Variants in ANKRD36B observed in about 807,000 individuals in gnomAD.
ANKRD36B encodes the protein ankyrin repeat domain-containing protein 36B.
ANKRD36B carries 37 observed loss-of-function variants against 135.7 expected under a neutral mutation model. The ratio of observed to expected loss-of-function variants is 0.27; its 90% CI spans 0.21 to 0.36. The LOEUF is 0.36. Among genes scored for constraint, ANKRD36B ranks in the 10% least tolerant of loss-of-function variants. The probability of loss-of-function intolerance (pLI) is 1.00; values close to 1 mark genes in which losing one functional copy is unlikely to be tolerated. For missense variants in ANKRD36B, 549 were observed against 1,037.1 expected, an observed-to-expected ratio of 0.53 and a Z score of 6.46; for synonymous variants, 179 against 348.1, an observed-to-expected ratio of 0.51 and a Z score of 5.41.
At chr2:97,567,570 T>C (rs2081539711) in intron 6 of ANKRD36B, among the ~76,000 whole-genome samples, 1 of 152,112 alleles carries the variant, frequency 6.6e-6, no homozygotes, top group Non-Finnish European at 1.5e-5. Context: ...GAAGACCAAA[T>C]ATATATTTCA....
chr2:97,551,205 C>G (rs1470757451), intron 18 of ANKRD36B, 84 bp downstream of exon 18: 1 of 1,501,536 alleles, frequency 6.7e-7, no homozygotes. Context: ...TGTGCAGCTT[C>G]GACCAGCCCC....
chr2:97,571,183 A>G (rs538658522), intron 6 of ANKRD36B, among the ~76,000 whole-genome samples: 6 of 152,354 alleles, frequency 3.9e-5, no homozygotes, highest in Admixed American at 6.5e-5. Context: ...TTCTTTTATA[A>G]TAATTGGGGA....
Position 97,585,003 on chromosome 2 carries a change from C to T in ANKRD36B, c.391G>A (p.Asp131Asn). 6.2e-7 allele frequency: 1 copy of T among 1,609,726 alleles called. No individual in the cohort carries two copies. The change falls in exon 3 of 44, where the codon GAT (aspartate) becomes AAT (asparagine). Residue 131 changes from aspartate to asparagine, a missense_variant. Asp to Asn is a conservative substitution (Grantham distance 23, BLOSUM62 1). Transcript: ENST00000359901. The stretch of plus-strand genomic sequence containing the variant: ...AGAAGTTTTTCTATCATGGATGTAT[C>T]TTCATTATACACAGCGTAGTGCAGA... The part of the protein sequence containing the change: ...TALHYAVYNE[D>N]TSMIEKLLSH...
chr2:97,560,580 T>A, intron 8 of ANKRD36B, 85 bp downstream of exon 8: 1 of 1,566,882 alleles, frequency 6.4e-7, no homozygotes. Flanking sequence ...GCAGCTTATA[T>A]GAACTCCCCA....
intron 16 of ANKRD36B, among the ~76,000 whole-genome samples, chr2:97,551,714 T>A (rs1429379447): frequency 6.6e-6 from 1 of 151,930 alleles, no homozygotes; most frequent in Non-Finnish European, 1.5e-5. Context: ...TTCTCATACG[T>A]CGAAAACTAA....
At chr2:97,558,671 C>G (rs2104747821) in intron 10 of ANKRD36B, 128 bp downstream of exon 10, 1 of 1,003,896 alleles carries the variant, frequency 1.0e-6, no homozygotes, top group Middle Eastern at 2.8e-4. Flanking sequence ...CACCTGAGAA[C>G]TGAGGAATCT....
intron 22 of ANKRD36B, 135 bp from the exon 23 acceptor site, chr2:97,545,996 C>T: frequency 1.1e-6 from 1 of 870,958 alleles, no homozygotes. Context: ...TACTTTGTGT[C>T]TGGGGACAAG....
intron 10 of ANKRD36B, among the ~76,000 whole-genome samples, chr2:97,557,360 C>T (rs2080626807): frequency 6.6e-6 from 1 of 151,632 alleles, no homozygotes; most frequent in South Asian, 2.1e-4. Context: ...AGGTATTATG[C>T]ATCATGTGTG....
At chr2:97,543,056 T>C (rs1184660642) in intron 26 of ANKRD36B, among the ~76,000 whole-genome samples, 1 of 152,028 alleles carries the variant, frequency 6.6e-6, no homozygotes, top group Non-Finnish European at 1.5e-5. Flanking sequence ...AATGTATTCA[T>C]ATTCAAGTTT....
chr2:97,564,913 G>T (rs2081320510), intron 6 of ANKRD36B, among the ~76,000 whole-genome samples: 1 of 152,142 alleles, frequency 6.6e-6, no homozygotes, highest in Non-Finnish European at 1.5e-5. Context: ...TGTGAAGAAA[G>T]TCAATGGTAG....
intron 40 of ANKRD36B, among the ~76,000 whole-genome samples, 157 bp from the exon 41 acceptor site, chr2:97,508,222 G>GT (rs1243255585): frequency 3.4e-5 from 1 of 29,000 alleles, no homozygotes; most frequent in African/African-American, 8.3e-5. Context: ...CCCATTACCT[G>GT]TTTTTTGTAA....
At chr2:97,551,065 A>G (rs568462898) in intron 18 of ANKRD36B, among the ~76,000 whole-genome samples, 111 of 151,712 alleles carry the variant, frequency 7.3e-4, no homozygotes, top group Non-Finnish European at 1.3e-3. Flanking sequence ...TGCTCTCTAT[A>G]TTTCTTCCTC....
chr2:97,564,494 G>A (rs532591809), intron 6 of ANKRD36B, among the ~76,000 whole-genome samples: 2 of 152,154 alleles, frequency 1.3e-5, no homozygotes, highest in East Asian at 3.9e-4. Context: ...TTTCATCCAG[G>A]GTTTTTATAC....
At chr2:97,494,487 AACTC>A in intron 43 of ANKRD36B, among the ~76,000 whole-genome samples, 1 of 107,226 alleles carries the variant, frequency 9.3e-6, no homozygotes, top group South Asian at 2.2e-4. Flanking sequence ...ATGCAGTGAG[AACTC>A]ACTCATTAGT....
chr2:97,587,222 ATT>A (rs1335082403), intron 1 of ANKRD36B, among the ~76,000 whole-genome samples: 1 of 152,046 alleles, frequency 6.6e-6, no homozygotes. Context: ...GAAACTGAGA[ATT>A]TTTTTTCTTT....
At chr2:97,577,636 A>C (rs893519950) in intron 5 of ANKRD36B, among the ~76,000 whole-genome samples, 2 of 149,842 alleles carry the variant, frequency 1.3e-5, no homozygotes, top group Non-Finnish European at 3.0e-5. Flanking sequence ...CCTTACTTTT[A>C]CATATAACTG....
chr2:97,555,451 A>G (rs534635511), intron 12 of ANKRD36B, among the ~76,000 whole-genome samples, 197 bp from the exon 13 acceptor site: 49 of 152,038 alleles, frequency 3.2e-4, no homozygotes, highest in Non-Finnish European at 6.6e-4. Context: ...AAACCCTTAC[A>G]ATGTCAATCA....
chr2:97,568,417 T>G (rs2081600490), intron 6 of ANKRD36B, among the ~76,000 whole-genome samples: 1 of 152,138 alleles, frequency 6.6e-6, no homozygotes, highest in Non-Finnish European at 1.5e-5. Flanking sequence ...GCAAAGACTT[T>G]TCAGCTGCCA....
At position 97,535,325 on chromosome 2, in the gene ANKRD36B, G is replaced by T. The variant is rs1337270090; in HGVS notation, c.2191+975C>A. On this transcript the variant is annotated intron_variant, in intron 34 of 43. Coordinates refer to ENST00000359901, the MANE Select transcript of ANKRD36B (RefSeq NM_001393939.1). Reference sequence around the variant, plus strand: ...TTAGGATTACTGAGGAAGTACAAATGAAAAGATAGCACAAAGAAATGGTTA... The same window carrying T: ...TTAGGATTACTGAGGAAGTACAAATTAAAAGATAGCACAAAGAAATGGTTA... 8.8e-5 allele frequency among the ~76,000 whole-genome samples: 9 copies of T among 102,082 alleles called. 1 individual carries two copies. Among genetic ancestry groups the T allele is most frequent in the African/African-American group, 1.4e-4 (5 of 35,856 alleles). 67.0% of individuals were successfully genotyped at this position (102,082 alleles called of 152,430 possible).
Sources: gnomAD v4.1 joint callset for allele counts (sites outside exome capture counted in the v4.1 genomes callset) on GRCh38, gnomAD v4.1.1 for gene constraint, MANE v1.5 for transcripts, NCBI Gene and HGNC (gene_info 2026-07-23, HGNC 2026-07-21) for gene names.